Variants in CCDC89 observed in about 807,000 individuals in gnomAD.
The protein encoded by CCDC89 is coiled-coil domain-containing protein 89.
Under a neutral mutation model 29.3 loss-of-function variants are expected in CCDC89, and 28 were observed. The ratio of observed to expected loss-of-function variants is 0.96; its 90% confidence interval spans 0.71 to 1.31. The LOEUF is 1.31. Ranked by LOEUF, CCDC89 falls within the 50% of genes most tolerant of loss-of-function variation. The pLI, the probability that CCDC89 is intolerant of heterozygous loss-of-function variation, is 0.00. For synonymous variants in CCDC89, 191 were observed against 179.7 expected (o/e 1.06, Z -0.51); for missense variants, 484 against 442.3 (o/e 1.09, Z -0.85).
chr11:85,685,837 A>G lies in CCDC89; in HGVS notation c.294T>C (p.Asn98=). The G allele has an allele frequency of 4.3e-6, 7 of 1,614,062 alleles. No individual in the cohort carries two copies. Among genetic ancestry groups the G allele is most frequent in the Admixed American group, 1.7e-5 (1 of 60,024 alleles). The change falls in exon 1 of 1, where the codon AAT becomes AAC. Residue 98 remains asparagine (N), a synonymous_variant. Coordinates refer to ENST00000316398, the MANE Select transcript of CCDC89 (RefSeq NM_152723.3). ...GCATCATCTTCTCCTCCAGCTCTGC[A>G]TTGAGCAGCTCTAGGATCTGGCAGC... ...LERCQILELL[N]AELEEKMMQE... is the part of the protein sequence containing the mutation.
Position 85,685,467 on chromosome 11 carries a change from G to T in CCDC89, c.664C>A (p.His222Asn). The T allele has an allele frequency of 1.2e-6, 2 of 1,613,396 alleles. No homozygotes were observed. The highest frequency in any genetic ancestry group is 1.7e-6 in the Non-Finnish European group (2 of 1,180,026). ...LELQSQQACT[H>N]TKETEQLRSQ... ...CGCAGCTGTTCTGTCTCCTTGGTGT[G>T]GGTGCAGGCCTGCTGGCTCTGTAGC... The change falls in exon 1 of 1, where the codon CAC becomes AAC. Residue 222 changes from histidine to asparagine, a missense_variant. By Grantham distance (68) the His-to-Asn change is moderately conservative. Transcript: ENST00000316398.
chr11:85,685,164 T>C lies in CCDC89; in HGVS notation c.967A>G (p.Ser323Gly). 1 of 1,614,242 alleles carries C rather than the reference T, an allele frequency of 6.2e-7. No homozygotes were observed. Among genetic ancestry groups the C allele is most frequent in the East Asian group, 2.2e-5 (1 of 44,884 alleles). ...RFEQEAVAVD[S>G]NLRVRELQRK... Reference sequence around the variant, plus strand: ...TGAAGCTCCCTGACTCTCAAGTTGCTGTCCACAGCCACTGCCTCTTGCTCA... The same window carrying C: ...TGAAGCTCCCTGACTCTCAAGTTGCCGTCCACAGCCACTGCCTCTTGCTCA... Residue 323 changes from serine (S) to glycine (G), a missense_variant, in exon 1 of 1, where the codon AGC becomes GGC. Coordinates refer to ENST00000316398, the MANE Select transcript of CCDC89 (RefSeq NM_152723.3).
Position 85,685,940 on chromosome 11 carries a change from G to A in CCDC89, c.191C>T (p.Ala64Val), listed in dbSNP as rs1400905546. 1 of 1,614,166 alleles carries A rather than the reference G, an allele frequency of 6.2e-7. No homozygotes were observed. The highest frequency in any genetic ancestry group is 1.1e-5 in the South Asian group (1 of 91,084). ...GLSEEERSEK[A>V]MLRSRIEEQS... The stretch of plus-strand genomic sequence containing the variant: ...CTCTTCAATGCGGGAGCGAAGCATA[G>A]CCTTCTCGCTCCTCTCCTCCTCTGA... The change falls in exon 1 of 1, where the codon GCT (alanine) becomes GTT (valine). Residue 64 changes from alanine to valine, a missense_variant. By Grantham distance (64) the Ala-to-Val change is moderately conservative. Transcript: ENST00000316398.
In CCDC89 at chr11:85,685,362, G is replaced by GA. The variant is rs755598573; in HGVS notation, c.768_769insT (p.Leu257SerfsTer14). 43 of 1,609,512 alleles carry GA rather than the reference G, an allele frequency of 2.7e-5. No individual in the cohort carries two copies. Among genetic ancestry groups the GA allele is most frequent in the Admixed American group, 3.3e-5 (2 of 60,034 alleles). On this transcript the variant is annotated frameshift_variant, in exon 1 of 1. Coordinates refer to ENST00000316398, the MANE Select transcript of CCDC89 (RefSeq NM_152723.3). LOFTEE classifies it high-confidence loss of function. ...AGCCTGGCCTGCAGCTCCTGGCTCA[G>GA]GCTGCTGTGTGTCTCCTCTGCCTTA...
In CCDC89 at chr11:85,685,587, G is replaced by T. The variant is rs773822574; in HGVS notation, c.544C>A (p.Arg182=). ...EEAKVLQLTV[R]CEALTGELET... ...AGCTCCCCAGTGAGGGCCTCACACCGGACTGTGAGCTGTAATACTTTCGCC... is the reference window on the plus strand; with the variant it reads ...AGCTCCCCAGTGAGGGCCTCACACCTGACTGTGAGCTGTAATACTTTCGCC... The change falls in exon 1 of 1, where the codon CGG becomes AGG. Residue 182 remains arginine, a synonymous_variant. Transcript: ENST00000316398. The T allele has an allele frequency of 1.2e-6, 2 of 1,614,120 alleles. No homozygotes were observed. Among genetic ancestry groups the T allele is most frequent in the Admixed American group, 3.3e-5 (2 of 60,022 alleles).
At position 85,685,511 on chromosome 11, in the gene CCDC89, C is replaced by A. The variant is rs200933789; in HGVS notation, c.620G>T (p.Arg207Leu). The change falls in exon 1 of 1, where the codon CGC (arginine) becomes CTC (leucine). Residue 207 changes from arginine to leucine, a missense_variant. Coordinates refer to ENST00000316398, the MANE Select transcript of CCDC89 (RefSeq NM_152723.3). ...CTGTAGCTCCAGCAGCTCCTTCTCG[C>A]GCGCCTGTGCCTGGCAGGCATCCTG... Reference protein sequence around the residue: ...CAQDACQAQAREKELLELQSQ... With the variant: ...CAQDACQAQALEKELLELQSQ... 448 of 1,613,962 alleles carry A rather than the reference C, an allele frequency of 2.8e-4. 3 individuals are homozygous for A. The East Asian group carries it at 9.3e-3, about 33-fold the overall frequency.
chr11:85,685,948 G>T lies in CCDC89; in HGVS notation c.183C>A (p.Ser61Arg), dbSNP rs545904383. ...TGCGGGAGCGAAGCATAGCCTTCTC[G>T]CTCCTCTCCTCCTCTGACAGTCCCC... ...NLRGLSEEERSEKAMLRSRIE... is the reference protein window; with the variant it reads ...NLRGLSEEERREKAMLRSRIE... Residue 61 changes from serine (S) to arginine (R), a missense_variant, in exon 1 of 1, where the codon AGC becomes AGA. Physicochemically the swap from Ser to Arg is moderately radical, Grantham distance 110. Coordinates refer to ENST00000316398, the MANE Select transcript of CCDC89 (RefSeq NM_152723.3). 4 of 1,614,138 alleles carry T rather than the reference G, an allele frequency of 2.5e-6. No homozygotes were observed. Among genetic ancestry groups the T allele is most frequent in the Admixed American group, 3.3e-5 (2 of 60,022 alleles).
chr11:85,686,192 G>C lies in CCDC89; in HGVS notation c.-62C>G. ...TTCAAACGCTGCAGGGTGTTGCTAG[G>C]GACTCTTGGCACTCCCCAGCAGTTG... On this transcript the variant is annotated 5_prime_UTR_variant, in exon 1 of 1. Transcript: ENST00000316398. 6.5e-7 allele frequency: 1 copy of C among 1,534,050 alleles called. No individual in the cohort carries two copies. Among genetic ancestry groups the C allele is most frequent in the Non-Finnish European group, 8.8e-7 (1 of 1,141,014 alleles).
Position 85,685,696 on chromosome 11 carries a change from A to T in CCDC89, c.435T>A (p.Ser145Arg), listed in dbSNP as rs2083012587. Residue 145 changes from serine (S) to arginine (R), a missense_variant, in exon 1 of 1, where the codon AGT becomes AGA. Physicochemically the swap from Ser to Arg is moderately radical, Grantham distance 110. Transcript: ENST00000316398. ...TCTCCTCCCTCAGCTTGATGTTCTC[A>T]CTCTTGTATTCATCCTTGAAGCGGA... is the stretch of plus-strand genomic sequence containing the variant. ...LMLRFKDEYK[S>R]ENIKLREENE... 2 of 1,612,948 alleles carry T rather than the reference A, an allele frequency of 1.2e-6. No homozygotes were observed. Among genetic ancestry groups the T allele is most frequent in the Non-Finnish European group, 1.7e-6 (2 of 1,179,770 alleles).
In CCDC89 at chr11:85,684,456, G is replaced by A. The variant is rs1381329829; in HGVS notation, c.*550C>T. ...ATACAGAATAAAATTGACCTTCTTTGTTAAAGAACTTGATCTCAATCATTT... is the reference window on the plus strand; with the variant it reads ...ATACAGAATAAAATTGACCTTCTTTATTAAAGAACTTGATCTCAATCATTT... On this transcript the variant is annotated 3_prime_UTR_variant, in exon 1 of 1. Coordinates refer to ENST00000316398, the MANE Select transcript of CCDC89 (RefSeq NM_152723.3). Among the ~76,000 whole-genome samples the A allele has an allele frequency of 1.3e-5, 2 of 151,980 alleles. No homozygotes were observed.
chr11:85,684,182 C>CA lies in CCDC89; in HGVS notation c.*823dup, dbSNP rs960362069. ...TTTTAAAAAAGGAAAATCTTAATTA[C>CA]AAAAAATATGCTAATAGAAACAAAA... On this transcript the variant is annotated 3_prime_UTR_variant, in exon 1 of 1. Coordinates refer to ENST00000316398, the MANE Select transcript of CCDC89 (RefSeq NM_152723.3). Among the ~76,000 whole-genome samples, 3 of 151,992 alleles carry CA rather than the reference C, an allele frequency of 2.0e-5. No homozygotes were observed. Among genetic ancestry groups the CA allele is most frequent in the African/African-American group, 7.2e-5 (3 of 41,380 alleles).
Position 85,685,908 on chromosome 11 carries a change from G to A in CCDC89, c.223C>T (p.Gln75Ter), listed in dbSNP as rs2083014989. 6.2e-7 allele frequency: 1 copy of A among 1,614,128 alleles called. No individual in the cohort carries two copies. The highest frequency in any genetic ancestry group is 1.7e-5 in the Admixed American group (1 of 60,020). Residue 75 changes from glutamine to a stop codon, truncating the protein, a stop_gained, in exon 1 of 1, where the codon CAG (glutamine) becomes TAG (stop). Coordinates refer to ENST00000316398, the MANE Select transcript of CCDC89 (RefSeq NM_152723.3). LOFTEE classifies it high-confidence loss of function. ...MLRSRIEEQSQLICILKRRSD... is the reference protein window; with the variant it reads ...MLRSRIEEQS Reference sequence around the variant, plus strand: ...CTCCGCTTCAGGATGCAGATGAGCTGGGACTGCTCTTCAATGCGGGAGCGA... The same window carrying A: ...CTCCGCTTCAGGATGCAGATGAGCTAGGACTGCTCTTCAATGCGGGAGCGA...
rs1433580129 is a variant in CCDC89, at chr11:85,685,054, T to G, written c.1077A>C (p.Leu359Phe). ...EAFKKHSLDL[L>F]SKERELNGKL... ...TGCCATTGAGTTCTCTCTCCTTGCT[T>G]AAAAGATCCAAGCTGTGCTTTTTGA... Residue 359 changes from leucine to phenylalanine, a missense_variant, in exon 1 of 1, where the codon TTA becomes TTC. Transcript: ENST00000316398. 5 of 1,614,166 alleles carry G rather than the reference T, an allele frequency of 3.1e-6. No homozygotes were observed. In the African/African-American group the frequency reaches 5.3e-5, roughly 17 times the overall value.
rs2083015502 is a variant in CCDC89 at position 85,685,964 on chromosome 11, G to C, written c.167C>G (p.Ser56Ter). 3.1e-6 allele frequency: 5 copies of C among 1,614,134 alleles called. No homozygotes were observed. Among genetic ancestry groups the C allele is most frequent in the South Asian group, 1.1e-5 (1 of 91,080 alleles). ...REALANLRGL[S>*]EEERSEKAML... ...AGCCTTCTCGCTCCTCTCCTCCTCT[G>C]ACAGTCCCCGGAGGTTTGCCAAGGC... Residue 56 changes from serine to a stop codon, truncating the protein, a stop_gained, in exon 1 of 1, where the codon TCA (serine) becomes TGA (stop). Coordinates refer to ENST00000316398, the MANE Select transcript of CCDC89 (RefSeq NM_152723.3). LOFTEE classifies it high-confidence loss of function.
chr11:85,685,111 G>A lies in CCDC89; in HGVS notation c.1020C>T (p.Ala340=), dbSNP rs569705796. 35 of 1,614,198 alleles carry A rather than the reference G, an allele frequency of 2.2e-5. No homozygotes were observed. The South Asian group carries it at 3.4e-4, about 16-fold the overall frequency. Residue 340 remains alanine, a synonymous_variant, in exon 1 of 1, where the codon GCC becomes GCT. Coordinates refer to ENST00000316398, the MANE Select transcript of CCDC89 (RefSeq NM_152723.3). ...LQRKVDGIQK[A]YDELRLQSEA... is the part of the protein sequence containing the mutation. ...CAGACTGCAGCCTGAGTTCATCGTAGGCCTTCTGGATCCCATCTACTTTGC... is the reference window on the plus strand; with the variant it reads ...CAGACTGCAGCCTGAGTTCATCGTAAGCCTTCTGGATCCCATCTACTTTGC...
Position 85,685,779 on chromosome 11 carries a change from A to G in CCDC89, c.352T>C (p.Tyr118His). 6.2e-7 allele frequency: 1 copy of G among 1,613,780 alleles called. No individual in the cohort carries two copies. The highest frequency in any genetic ancestry group is 8.5e-7 in the Non-Finnish European group (1 of 1,179,962). The change falls in exon 1 of 1, where the codon TAC becomes CAC. Residue 118 changes from tyrosine to histidine, a missense_variant. Transcript: ENST00000316398. ...EAEKLKAQGE[Y>H]SRKLEERFMT... is the part of the protein sequence containing the mutation. ...AAGCGTTCCTCTAGTTTCCGACTGT[A>G]CTCACCCTGGGCCTTGAGCTTCTCA... is the stretch of plus-strand genomic sequence containing the variant.
chr11:85,684,822 T>C lies in CCDC89; in HGVS notation c.*184A>G. On this transcript the variant is annotated 3_prime_UTR_variant, in exon 1 of 1. Coordinates refer to ENST00000316398, the MANE Select transcript of CCDC89 (RefSeq NM_152723.3). The stretch of plus-strand genomic sequence containing the variant: ...TGGCAAATCTTGTGTATTCTAGGTG[T>C]AGAAATGAAAATTAATAATGGCTTT... The C allele has an allele frequency of 1.5e-6, 1 of 673,804 alleles. No homozygotes were observed. The highest frequency in any genetic ancestry group is 2.4e-6 in the Non-Finnish European group (1 of 420,796). The allele number at this position is 673,804 out of a possible 1,614,324, so 41.7% of individuals were successfully genotyped here.
rs758749420 is a variant in CCDC89 at position 85,685,527 on chromosome 11, A to T, written c.604T>A (p.Cys202Ser). 2 of 1,614,052 alleles carry T rather than the reference A, an allele frequency of 1.2e-6. No individual in the cohort carries two copies. The highest frequency in any genetic ancestry group is 1.7e-6 in the Non-Finnish European group (2 of 1,180,020). Residue 202 changes from cysteine to serine, a missense_variant, in exon 1 of 1, where the codon TGC becomes AGC. By Grantham distance (112) the Cys-to-Ser change is moderately radical. Coordinates refer to ENST00000316398, the MANE Select transcript of CCDC89 (RefSeq NM_152723.3). ...TCCTTCTCGCGCGCCTGTGCCTGGC[A>T]GGCATCCTGAGCACACCTCTCCTTC... ...TLKERCAQDA[C>S]QAQAREKELL...
In CCDC89 at chr11:85,685,867, C is replaced by T; in HGVS notation, c.264G>A (p.Leu88=). The T allele has an allele frequency of 6.2e-7, 1 of 1,614,126 alleles. No individual in the cohort carries two copies. The highest frequency in any genetic ancestry group is 8.5e-7 in the Non-Finnish European group (1 of 1,180,032). The change falls in exon 1 of 1, where the codon CTG becomes CTA. Residue 88 remains leucine, a synonymous_variant. Coordinates refer to ENST00000316398, the MANE Select transcript of CCDC89 (RefSeq NM_152723.3). ...GCAGCTCTAGGATCTGGCAGCGCTCCAGGGCCTCATCTGACCTCCGCTTCA... is the reference window on the plus strand; with the variant it reads ...GCAGCTCTAGGATCTGGCAGCGCTCTAGGGCCTCATCTGACCTCCGCTTCA... ...CILKRRSDEA[L]ERCQILELLN...
Sources: gnomAD v4.1 joint callset for allele counts (sites outside exome capture counted in the v4.1 genomes callset) on GRCh38, gnomAD v4.1.1 for gene constraint, MANE v1.5 for transcripts, NCBI Gene and HGNC (gene_info 2026-07-23, HGNC 2026-07-21) for gene names.